Variants in POR observed in about 807,000 individuals in gnomAD.
POR encodes the protein cytochrome p450 oxidoreductase.
In POR, 56 loss-of-function variants were observed where a neutral mutation model predicts 84.0. The observed-to-expected ratio is 0.67, with a 90% confidence interval of 0.54 to 0.83. POR has a LOEUF of 0.83. Ranked by LOEUF, POR falls within the 40% of genes least tolerant of loss-of-function variation. POR has a pLI of 0.00. For missense variants in POR, 938 were observed against 944.3 expected, an observed-to-expected ratio of 0.99 and a Z score of 0.09; for synonymous variants, 414 against 400.5, an observed-to-expected ratio of 1.03 and a Z score of -0.40.
chr7:75,968,230 G>T, intron 2 of POR: 1 of 466,864 alleles, frequency 2.1e-6, no homozygotes, highest in Non-Finnish European at 4.4e-6. Context: ...CTCCTGGCGG[G>T]GACCTGCTGG....
chr7:75,932,315 G>A (rs1292372190), intron 1 of POR, among the ~76,000 whole-genome samples: 1 of 151,948 alleles, frequency 6.6e-6, no homozygotes, highest in Non-Finnish European at 1.5e-5. Context: ...CGAGTAGCTA[G>A]AACTGCAGGT....
At chr7:75,962,991 A>G (rs1554554720) in intron 2 of POR, among the ~76,000 whole-genome samples, 3 of 152,014 alleles carry the variant, frequency 2.0e-5, no homozygotes, top group African/African-American at 7.3e-5. Context: ...CCCCCTGGAG[A>G]TTGCTTTTGA....
At chr7:75,949,314 C>T (rs533466198) in intron 1 of POR, among the ~76,000 whole-genome samples, 100 of 152,120 alleles carry the variant, frequency 6.6e-4, no homozygotes, top group African/African-American at 2.3e-3. Context: ...CGTCACCATG[C>T]CTGGCTAATT....
chr7:75,980,804 GC>G, intron 5 of POR: 1 of 1,302,182 alleles, frequency 7.7e-7, no homozygotes, highest in Non-Finnish European at 1.0e-6. Flanking sequence ...GGGTGGGCTG[GC>G]CCCGCTTCCC....
intron 2 of POR, among the ~76,000 whole-genome samples, chr7:75,956,658 T>G (rs946921783): frequency 4.3e-4 from 65 of 152,098 alleles, no homozygotes; most frequent in African/African-American, 1.5e-3. Flanking sequence ...TGCCAGGCAC[T>G]ATGACGGGCA....
rs1787996374 is a variant in POR, at chr7:75,962,734, C to A, written c.188+8554C>A. ...GAAACAGTCCTGTCCTACCTCTTTG[C>A]AATCATCCTCCTCCATCGGGTAATC... On this transcript the variant is annotated intron_variant, in intron 2 of 15. Transcript: ENST00000461988. Among the ~76,000 whole-genome samples the A allele has an allele frequency of 2.0e-5, 3 of 152,208 alleles. No homozygotes were observed. In the South Asian group the frequency reaches 6.2e-4, roughly 31 times the overall value.
At chr7:75,918,793 G>A (rs1219882920) in intron 1 of POR, 1 of 152,140 alleles carries the variant, frequency 6.6e-6, no homozygotes, top group Admixed American at 6.6e-5. Context: ...CAGGGGAGAG[G>A]TGATGTTTGA....
chr7:75,928,456 T>C (rs1370796278), intron 1 of POR, among the ~76,000 whole-genome samples: 1 of 152,230 alleles, frequency 6.6e-6, no homozygotes, highest in Non-Finnish European at 1.5e-5. Flanking sequence ...CTTCGGGTAA[T>C]GGCCTGTGAG....
chr7:75,967,521 T>C (rs1473254306), intron 2 of POR, among the ~76,000 whole-genome samples: 1 of 152,086 alleles, frequency 6.6e-6, no homozygotes, highest in Non-Finnish European at 1.5e-5. Context: ...TAATTTAATG[T>C]GATTGTGTGG....
chr7:75,981,010 G>C, intron 5 of POR, 38 bp from the exon 6 acceptor site: 1 of 1,531,372 alleles, frequency 6.5e-7, no homozygotes, highest in Non-Finnish European at 8.8e-7. Context: ...TGGTCAGGTC[G>C]AGGGCCAGGC....
chr7:75,919,378 C>CGTGTGTGT (rs1458787395), intron 1 of POR, among the ~76,000 whole-genome samples: 23 of 136,180 alleles, frequency 1.7e-4, no homozygotes, highest in African/African-American at 7.3e-4. Context: ...TGCATCTGTG[C>CGTGTGTGT]GTGCGTGTGT....
intron 1 of POR, among the ~76,000 whole-genome samples, chr7:75,920,602 G>C (rs1263528890): frequency 6.6e-6 from 1 of 152,066 alleles, no homozygotes; most frequent in Non-Finnish European, 1.5e-5. Flanking sequence ...CCCTGTTTCT[G>C]AGCTCACGTC....
chr7:75,921,799 C>A (rs1392080171), intron 1 of POR, among the ~76,000 whole-genome samples: 1 of 152,020 alleles, frequency 6.6e-6, no homozygotes, highest in Non-Finnish European at 1.5e-5. Context: ...CTCCACCTGT[C>A]AGGTTCAAGT....
At chr7:75,961,259 G>A (rs1787926486) in intron 2 of POR, among the ~76,000 whole-genome samples, 1 of 129,626 alleles carries the variant, frequency 7.7e-6, no homozygotes. Context: ...TAAAAACTTA[G>A]ACTTACAGCT....
At chr7:75,970,518 A>G (rs1554555992) in intron 2 of POR, among the ~76,000 whole-genome samples, 2 of 151,956 alleles carry the variant, frequency 1.3e-5, no homozygotes, top group Non-Finnish European at 2.9e-5. Flanking sequence ...CTAATTAAAA[A>G]AAATTTTTTT....
intron 3 of POR, among the ~76,000 whole-genome samples, chr7:75,979,242 G>A (rs1199278332): frequency 1.3e-5 from 2 of 152,222 alleles, no homozygotes; most frequent in Non-Finnish European, 2.9e-5. Context: ...CCGCGTGTGT[G>A]AGATTGCCTT....
chr7:75,977,205 C>T (rs1788736217), intron 3 of POR, among the ~76,000 whole-genome samples: 1 of 152,118 alleles, frequency 6.6e-6, no homozygotes, highest in South Asian at 2.1e-4. Context: ...CTAGAGACTA[C>T]TTTAGGCATT....
chr7:75,926,694 T>C (rs937124348), intron 1 of POR, among the ~76,000 whole-genome samples: 1 of 152,128 alleles, frequency 6.6e-6, no homozygotes, highest in South Asian at 2.1e-4. Context: ...CTTGGGAGGC[T>C]GAGGCAGGAG....
rs1789486377 is a variant in POR at position 75,986,535 on chromosome 7, G to C, written c.*54G>C. 4 of 1,578,216 alleles carry C rather than the reference G, an allele frequency of 2.5e-6. No homozygotes were observed. In the African/African-American group the frequency reaches 5.4e-5, roughly 21 times the overall value. On this transcript the variant is annotated 3_prime_UTR_variant, in exon 16 of 16. Coordinates refer to ENST00000461988, the MANE Select transcript of POR (RefSeq NM_000941.3). ...ACTCCGGCCTGTAATCAGCTCTCCT[G>C]GCTCCCTCCCGTAGTCTCCTGGGTG...
Sources: gnomAD v4.1 joint callset for allele counts (sites outside exome capture counted in the v4.1 genomes callset) on GRCh38, gnomAD v4.1.1 for gene constraint, MANE v1.5 for transcripts, NCBI Gene and HGNC (gene_info 2026-07-23, HGNC 2026-07-21) for gene names.